The following PPIG variants were observed in gnomAD, a reference collection of about 807,000 sequenced individuals.
The protein encoded by PPIG is peptidyl-prolyl cis-trans isomerase G.
Under a neutral mutation model 87.9 loss-of-function variants are expected in PPIG, and 26 were observed. The ratio of observed to expected loss-of-function variants is 0.30; its 90% CI spans 0.22 to 0.41. The LOEUF is 0.41. Among genes scored for constraint, PPIG ranks in the 10% least tolerant of loss-of-function variants. The pLI is 1.00. For missense variants in PPIG, 722 were observed against 879.4 expected, an observed-to-expected ratio of 0.82 and a Z score of 2.26; for synonymous variants, 308 against 276.5, an observed-to-expected ratio of 1.11 and a Z score of -1.13.
chr2:169,610,149 A>G (rs552197630), intron 7 of PPIG, among the ~76,000 whole-genome samples: 11 of 152,212 alleles, frequency 7.2e-5, no homozygotes, highest in Non-Finnish European at 1.3e-4. Context: ...CATGTGGATT[A>G]TTCTGTCATT....
chr2:169,626,260 A>AT (rs1232324783), intron 9 of PPIG, among the ~76,000 whole-genome samples: 1 of 151,914 alleles, frequency 6.6e-6, no homozygotes, highest in East Asian at 1.9e-4. Context: ...ATATCTCCCA[A>AT]TTTTTTGCCT....
At chr2:169,626,718 T>A (rs187553244) in intron 9 of PPIG, among the ~76,000 whole-genome samples, 3 of 151,470 alleles carry the variant, frequency 2.0e-5, no homozygotes, top group Non-Finnish European at 4.4e-5. Context: ...GCTTTTTTAT[T>A]TGTTAAATCA....
rs1198350177 is a variant in PPIG at position 169,637,275 on chromosome 2, A to G, written c.2017A>G (p.Ser673Gly). Residue 673 changes from serine (S) to glycine (G), a missense_variant, in exon 14 of 14, where the codon AGC (serine) becomes GGC (glycine). This residue lies in a region of PPIG where 476 missense variants were observed against 483.1 expected (regional missense o/e 0.99). Transcript: ENST00000260970. ...RMYSKSRDHN[S>G]SNNSREKKAD... ...GTACTCTAAAAGTCGTGATCATAAT[A>G]GCTCAAATAACAGCAGGGAAAAAAA... 3 of 1,609,332 alleles carry G rather than the reference A, an allele frequency of 1.9e-6. No individual in the cohort carries two copies.
intron 7 of PPIG, among the ~76,000 whole-genome samples, chr2:169,611,266 A>T (rs939442623): frequency 2.6e-5 from 4 of 152,180 alleles, no homozygotes; most frequent in Admixed American, 2.6e-4. Flanking sequence ...AAGAAAACAC[A>T]GATAAGACAC....
At chr2:169,616,486 T>A (rs1209498747) in intron 9 of PPIG, among the ~76,000 whole-genome samples, 1 of 152,324 alleles carries the variant, frequency 6.6e-6, no homozygotes, top group Non-Finnish European at 1.5e-5. Context: ...TGTTCCTATT[T>A]CTCCACATCC....
At chr2:169,611,735 A>G (rs1220110123) in intron 7 of PPIG, among the ~76,000 whole-genome samples, 1 of 152,168 alleles carries the variant, frequency 6.6e-6, no homozygotes, top group Non-Finnish European at 1.5e-5. Context: ...CAAAACTCCT[A>G]TGTTAAGTTC....
In PPIG at chr2:169,638,282, G is replaced by T. The variant is rs1686235771; in HGVS notation, c.*759G>T. On this transcript the variant is annotated 3_prime_UTR_variant, in exon 14 of 14. Coordinates refer to ENST00000260970, the MANE Select transcript of PPIG (RefSeq NM_004792.3). Reference sequence around the variant, plus strand: ...AGATTGTGATTCTCAGTTCTGTGTTGCTTTTGGTTTGAAGAGTTTTGGGAA... The same window carrying T: ...AGATTGTGATTCTCAGTTCTGTGTTTCTTTTGGTTTGAAGAGTTTTGGGAA... 6.6e-6 allele frequency: 1 copy of T among 151,020 alleles called. No homozygotes were observed. 9.4% of individuals were successfully genotyped at this position (151,020 alleles called of 1,614,324 possible).
chr2:169,636,981 G>A lies in PPIG; in HGVS notation c.1723G>A (p.Val575Met). Residue 575 changes from valine (V) to methionine (M), a missense_variant, in exon 14 of 14, where the codon GTG becomes ATG. Physicochemically the swap from Val to Met is conservative, Grantham distance 21. This residue lies in a region of PPIG where 476 missense variants were observed against 483.1 expected (regional missense o/e 0.99). Transcript: ENST00000260970. ...CAGAAGTAGGGACAGAAGCAGAAGA[G>A]TGCGATCAAGAACCCATGACAGAGA... ...RSRSRDRSRR[V>M]RSRTHDRDRS... 1.2e-6 allele frequency: 2 copies of A among 1,613,874 alleles called. No individual in the cohort carries two copies. The highest frequency in any genetic ancestry group is 1.7e-6 in the Non-Finnish European group (2 of 1,179,932).
intron 4 of PPIG, among the ~76,000 whole-genome samples, 164 bp downstream of exon 4, chr2:169,604,425 G>A (rs12613132): frequency 0.18 from 26,350 of 144,782 alleles, 2,620 homozygotes; most frequent in African/African-American, 0.27. Context: ...ACACATAAGC[G>A]TCCTCAGCTG....
intron 7 of PPIG, among the ~76,000 whole-genome samples, chr2:169,609,783 C>T (rs568497362): frequency 1.3e-5 from 2 of 152,266 alleles, no homozygotes; most frequent in African/African-American, 4.8e-5. Flanking sequence ...TTGTAATCAT[C>T]ACAGTAATGA....
chr2:169,634,571 C>G (rs1272803283), intron 12 of PPIG, among the ~76,000 whole-genome samples: 1 of 152,210 alleles, frequency 6.6e-6, no homozygotes, highest in Non-Finnish European at 1.5e-5. Flanking sequence ...CTCTTCAAAT[C>G]TGAACCTTCT....
chr2:169,612,203 G>T (rs1685508488), intron 7 of PPIG, among the ~76,000 whole-genome samples: 1 of 151,982 alleles, frequency 6.6e-6, no homozygotes, highest in South Asian at 2.1e-4. Flanking sequence ...TTTCATTGTT[G>T]CAGAGACTCT....
intron 12 of PPIG, among the ~76,000 whole-genome samples, chr2:169,635,573 T>TTG (rs1402605905): frequency 1.3e-5 from 2 of 152,240 alleles, no homozygotes; most frequent in Non-Finnish European, 2.9e-5. Flanking sequence ...CTCACTGATG[T>TTG]TCTCTCAGTA....
At chr2:169,635,268 G>A (rs7573696) in intron 12 of PPIG, among the ~76,000 whole-genome samples, 90,601 of 151,774 alleles carry the variant, frequency 0.6, 27,674 homozygotes, top group African/African-American at 0.73. Flanking sequence ...AACTACAATG[G>A]CCTATGACAC....
At chr2:169,596,583 A>T (rs1476285152) in intron 1 of PPIG, among the ~76,000 whole-genome samples, 6 of 151,858 alleles carry the variant, frequency 4.0e-5, no homozygotes, top group African/African-American at 1.5e-4. Context: ...GAAGGGCCTC[A>T]CTCCCCATGA....
rs186894187 is a variant in PPIG, at chr2:169,596,051, G to A, written c.-69-7591G>A. Among the ~76,000 whole-genome samples the A allele has an allele frequency of 4.7e-4, 71 of 151,520 alleles. No individual in the cohort carries two copies. In the East Asian group the frequency reaches 0.013, roughly 28 times the overall value. On this transcript the variant is annotated intron_variant, in intron 1 of 13. Coordinates refer to ENST00000260970, the MANE Select transcript of PPIG (RefSeq NM_004792.3). The stretch of plus-strand genomic sequence containing the variant: ...ACTCCTGACCTCAGATGATCCACCC[G>A]CCTCGGCCTCCCAAAGTGCTGGGAT...
rs1402425895 is a variant in PPIG, at chr2:169,637,350, G to A, written c.2092G>A (p.Asp698Asn). 6.2e-7 allele frequency: 1 copy of A among 1,610,424 alleles called. No homozygotes were observed. The highest frequency in any genetic ancestry group is 8.5e-7 in the Non-Finnish European group (1 of 1,179,374). ...PFSKIKQSSQ[D>N]NELKSSMLKN... ...CTCAAAAATAAAACAAAGCAGTCAG[G>A]ACAATGAATTAAAGTCCTCCATGTT... The change falls in exon 14 of 14, where the codon GAC (aspartate) becomes AAC (asparagine). Residue 698 changes from aspartate to asparagine, a missense_variant. By Grantham distance (23) the Asp-to-Asn change is conservative. This residue lies in a region of PPIG where 476 missense variants were observed against 483.1 expected (regional missense o/e 0.99). Coordinates refer to ENST00000260970, the MANE Select transcript of PPIG (RefSeq NM_004792.3).
chr2:169,606,166 T>A lies in PPIG; in HGVS notation c.244+20T>A. ...GTGAAGGTGAGACTTGGAAAAATCATGTATTATTTTCTGTTAAATATCACA... is the reference window on the plus strand; with the variant it reads ...GTGAAGGTGAGACTTGGAAAAATCAAGTATTATTTTCTGTTAAATATCACA... On this transcript the variant is annotated intron_variant, in intron 5 of 13. Transcript: ENST00000260970. The A allele has an allele frequency of 6.6e-7, 1 of 1,522,512 alleles. No individual in the cohort carries two copies. The highest frequency in any genetic ancestry group is 1.7e-5 in the Admixed American group (1 of 59,674). The allele number at this position is 1,522,512 out of a possible 1,614,324, so 94.3% of individuals were successfully genotyped here. A position where few individuals can be genotyped will look rare whatever the true frequency, so the allele number is the denominator to read the frequency against.
intron 9 of PPIG, among the ~76,000 whole-genome samples, chr2:169,628,939 C>CAAAAAAAAAAAAAAAAA (rs71006010): frequency 5.4e-5 from 5 of 92,348 alleles, no homozygotes; most frequent in African/African-American, 2.0e-4. Flanking sequence ...ACCCTGTCTC[C>CAAAAAAAAAAAAAAAAA]AAAAAAAAAA....
Sources: gnomAD v4.1 joint callset for allele counts (sites outside exome capture counted in the v4.1 genomes callset) on GRCh38, gnomAD v4.1.1 for gene constraint, gnomAD v4.1.1 regional missense constraint, MANE v1.5 for transcripts, NCBI Gene and HGNC (gene_info 2026-07-23, HGNC 2026-07-21) for gene names.